The following KCNIP4 variants were observed in gnomAD, a reference collection of about 807,000 sequenced individuals.
KCNIP4 encodes potassium voltage-gated channel interacting protein 4.
KCNIP4 carries 12 observed loss-of-function variants against 34.0 expected under a neutral mutation model. That is an observed-to-expected ratio of 0.35 (90% confidence interval 0.23 to 0.57). The LOEUF (loss-of-function observed/expected upper bound fraction) is 0.57, where lower values mean the gene tolerates loss of function less well. Ranked by LOEUF, KCNIP4 falls within the 20% of genes least tolerant of loss-of-function variation. The pLI, the probability that KCNIP4 is intolerant of heterozygous loss-of-function variation, is 0.83. For missense variants in KCNIP4, 238 were observed against 311.7 expected, an observed-to-expected ratio of 0.76 and a Z score of 1.78; for synonymous variants, 124 against 102.2, an observed-to-expected ratio of 1.21 and a Z score of -1.29.
intron 1 of KCNIP4, among the ~76,000 whole-genome samples, chr4:21,455,895 T>C (rs1728922960): frequency 8.1e-6 from 1 of 123,620 alleles, no homozygotes; most frequent in Non-Finnish European, 1.6e-5. Context: ...CAGTTAGGAT[T>C]TTCCGTATTA....
rs758934908 is a variant in KCNIP4 at position 20,732,756 on chromosome 4, G to A, written c.567C>T (p.Tyr189=). 33 of 1,609,990 alleles carry A rather than the reference G, an allele frequency of 2.0e-5. No homozygotes were observed. The highest frequency in any genetic ancestry group is 5.0e-5 in the Admixed American group (3 of 59,928). Residue 189 remains tyrosine, a synonymous_variant, in exon 7 of 9, where the codon TAC becomes TAT. Transcript: ENST00000382152. ...GATATGTACATTTACCCATCATATCGTATATTGCTTTCATTATATCAAGCA... is the reference window on the plus strand; with the variant it reads ...GATATGTACATTTACCCATCATATCATATATTGCTTTCATTATATCAAGCA... ...EEMLDIMKAI[Y]DMMGKCTYPV...
Position 20,984,430 on chromosome 4 carries a change from A to G in KCNIP4, c.62-101721T>C, listed in dbSNP as rs1440046484. On this transcript the variant is annotated intron_variant, in intron 1 of 8. Coordinates refer to ENST00000382152, the MANE Select transcript of KCNIP4 (RefSeq NM_025221.6). ...GCCAAAGCTGCTGCTCTCTCCTCCC[A>G]GAGCCGCCTCTGGCAGAGAGCTCAG... Among the ~76,000 whole-genome samples, 4 of 152,132 alleles carry G rather than the reference A, an allele frequency of 2.6e-5. No individual in the cohort carries two copies. The East Asian group carries it at 7.8e-4, about 30-fold the overall frequency.
chr4:21,748,941 T>C (rs897210786), intron 1 of KCNIP4, among the ~76,000 whole-genome samples: 6 of 152,170 alleles, frequency 3.9e-5, no homozygotes, highest in African/African-American at 9.7e-5. Flanking sequence ...ACTGCTGTTA[T>C]GTAAGTAATA....
intron 1 of KCNIP4, among the ~76,000 whole-genome samples, chr4:21,773,049 GTGTT>G (rs1347173861): frequency 6.6e-6 from 1 of 152,166 alleles, no homozygotes; most frequent in African/African-American, 2.4e-5. Context: ...TCTGATGTGG[GTGTT>G]TAGTGCTGTA....
chr4:21,183,473 T>TG (rs1560789204), intron 1 of KCNIP4, among the ~76,000 whole-genome samples: 2 of 151,268 alleles, frequency 1.3e-5, no homozygotes, highest in African/African-American at 4.9e-5. Flanking sequence ...GTTTTTGTTT[T>TG]TTTTTTTTTT....
chr4:21,308,733 T>C (rs1423318902), intron 1 of KCNIP4, among the ~76,000 whole-genome samples: 1 of 152,034 alleles, frequency 6.6e-6, no homozygotes, highest in Non-Finnish European at 1.5e-5. Context: ...TGTGTGTGTG[T>C]GTGTGTAGCA....
chr4:21,276,180 G>A (rs564810499), intron 1 of KCNIP4, among the ~76,000 whole-genome samples: 16 of 152,214 alleles, frequency 1.1e-4, no homozygotes, highest in African/African-American at 3.1e-4. Context: ...ACAACCAGGC[G>A]CCACCTTAAT....
intron 1 of KCNIP4, among the ~76,000 whole-genome samples, chr4:21,374,813 T>G (rs1720822457): frequency 6.8e-6 from 1 of 147,570 alleles, no homozygotes; most frequent in Admixed American, 6.6e-5. Context: ...GGCTTTGGCT[T>G]CCTGGGAATG....
chr4:21,877,897 G>A (rs1004541435), intron 1 of KCNIP4, among the ~76,000 whole-genome samples: 1 of 152,178 alleles, frequency 6.6e-6, no homozygotes, highest in Non-Finnish European at 1.5e-5. Context: ...ATGTTCTGGG[G>A]TTGTGGACAA....
chr4:20,791,847 A>G (rs1378838930), intron 3 of KCNIP4, among the ~76,000 whole-genome samples: 2 of 152,158 alleles, frequency 1.3e-5, no homozygotes, highest in African/African-American at 4.8e-5. Context: ...CATCCAATCA[A>G]TTGAAAGCCT....
At chr4:21,782,807 A>G (rs1386024385) in intron 1 of KCNIP4, among the ~76,000 whole-genome samples, 1 of 152,230 alleles carries the variant, frequency 6.6e-6, no homozygotes, top group Non-Finnish European at 1.5e-5. Context: ...AAATTGCAGT[A>G]GATCCCTGCC....
At chr4:21,908,165 T>C (rs1728102645) in intron 1 of KCNIP4, among the ~76,000 whole-genome samples, 1 of 152,200 alleles carries the variant, frequency 6.6e-6, no homozygotes, top group African/African-American at 2.4e-5. Flanking sequence ...ATATGAACAC[T>C]TGCACAAAAG....
chr4:21,239,952 T>G (rs1288573561), intron 1 of KCNIP4, among the ~76,000 whole-genome samples: 1 of 151,956 alleles, frequency 6.6e-6, no homozygotes, highest in African/African-American at 2.4e-5. Flanking sequence ...CTATTCACAA[T>G]AGCAAAGACT....
chr4:21,512,094 AGG>A (rs1734371568), intron 1 of KCNIP4, among the ~76,000 whole-genome samples: 1 of 141,564 alleles, frequency 7.1e-6, no homozygotes, highest in East Asian at 2.2e-4. Flanking sequence ...GGAAGGAGGG[AGG>A]GAGGGAGGAA....
intron 1 of KCNIP4, among the ~76,000 whole-genome samples, chr4:21,643,502 T>C (rs1376768398): frequency 6.6e-6 from 1 of 152,196 alleles, no homozygotes; most frequent in Non-Finnish European, 1.5e-5. Context: ...TGGTTAATTT[T>C]ATATGTTAAC....
At chr4:21,177,146 A>G (rs1469498842) in intron 1 of KCNIP4, among the ~76,000 whole-genome samples, 1 of 152,150 alleles carries the variant, frequency 6.6e-6, no homozygotes, top group African/African-American at 2.4e-5. Flanking sequence ...CCTACTATAT[A>G]TAGGATTCAA....
chr4:21,018,863 G>A (rs1462953197), intron 1 of KCNIP4, among the ~76,000 whole-genome samples: 1 of 152,162 alleles, frequency 6.6e-6, no homozygotes, highest in African/African-American at 2.4e-5. Context: ...TTGTCTATGA[G>A]AGTTTGGATA....
At chr4:21,428,614 C>T (rs998397747) in intron 1 of KCNIP4, among the ~76,000 whole-genome samples, 4 of 152,186 alleles carry the variant, frequency 2.6e-5, no homozygotes, top group East Asian at 1.9e-4. Flanking sequence ...TGCCCATAGA[C>T]GCAATTGAAA....
At chr4:21,843,488 G>T (rs371454636) in intron 1 of KCNIP4, 22 of 152,096 alleles carry the variant, frequency 1.4e-4, no homozygotes, top group East Asian at 3.9e-4. Flanking sequence ...CTAAAATCCA[G>T]GAAGGATTTT....
Sources: gnomAD v4.1 joint callset for allele counts (sites outside exome capture counted in the v4.1 genomes callset) on GRCh38, gnomAD v4.1.1 for gene constraint, MANE v1.5 for transcripts, NCBI Gene and HGNC (gene_info 2026-07-23, HGNC 2026-07-21) for gene names.